HYAL4: variants seen among roughly 807,000 people sequenced by gnomAD.
The protein encoded by HYAL4 is hyaluronidase-4.
In HYAL4, 37 loss-of-function variants were observed where a neutral mutation model predicts 35.2. The ratio of observed to expected loss-of-function variants is 1.05; its 90% CI spans 0.81 to 1.38. The LOEUF (loss-of-function observed/expected upper bound fraction) is 1.38, where lower values mean the gene tolerates loss of function less well. Among genes scored for constraint, HYAL4 ranks in the 40% most tolerant of loss-of-function variants. The probability of loss-of-function intolerance (pLI) is 0.00; values close to 1 mark genes in which losing one functional copy is unlikely to be tolerated. For synonymous variants in HYAL4, 198 were observed against 203.2 expected (o/e 0.97, Z 0.22); for missense variants, 572 against 572.4 (o/e 1.00, Z 0.01).
chr7:123,813,918 G>T, the HYAL4 span, among the ~76,000 whole-genome samples: 155 of 152,268 alleles, frequency 1.0e-3, 1 homozygote, highest in African/African-American at 3.5e-3. Context: ...AGTTTGCATA[G>T]CTGACAAATG....
intron 2 of HYAL4, among the ~76,000 whole-genome samples, chr7:123,856,463 G>C (rs1273387135): frequency 1.3e-5 from 2 of 152,140 alleles, no homozygotes; most frequent in Non-Finnish European, 2.9e-5. Flanking sequence ...TCTTCTGCAG[G>C]TCTGCTGGAG....
At chr7:123,802,723 A>G in the HYAL4 span, among the ~76,000 whole-genome samples, 7 of 152,214 alleles carry the variant, frequency 4.6e-5, no homozygotes, top group Non-Finnish European at 7.3e-5. Flanking sequence ...AAAAGATACT[A>G]AAGGAAAAGC....
chr7:123,874,940 C>T (rs1218238731), intron 4 of HYAL4, 90 bp downstream of exon 4: 2 of 743,712 alleles, frequency 2.7e-6, no homozygotes, highest in African/African-American at 3.5e-5. Context: ...CCATAGCAAA[C>T]CAGCTTTAGA....
intron 2 of HYAL4, among the ~76,000 whole-genome samples, chr7:123,857,661 C>CTTTG (rs55760125): frequency 0.14 from 11,850 of 87,684 alleles, 627 homozygotes; most frequent in Middle Eastern, 0.2. Flanking sequence ...TTGTTTCTTT[C>CTTTG]TTTGTTTGTT....
Position 123,857,657 on chromosome 7 carries a change from CTTTCTTTGTTTG to C in HYAL4, c.-52+9507_-52+9518del, listed in dbSNP as rs1421399597. 1.1e-3 allele frequency among the ~76,000 whole-genome samples: 76 copies of C among 67,018 alleles called. 1 individual carries two copies. Among genetic ancestry groups the C allele is most frequent in the African/African-American group, 3.9e-3 (70 of 18,126 alleles). 44.0% of individuals were successfully genotyped at this position (67,018 alleles called of 152,430 possible). On this transcript the variant is annotated intron_variant, in intron 2 of 4. Transcript: ENST00000223026. ...TCTTGCCAGCTGCCTTTCTTTGTTT[CTTTCTTTGTTTG>C]TTTCTTTCTTTCTTTCTTTCTTTCT...
chr7:123,870,064 T>C (rs1173248677), intron 3 of HYAL4, among the ~76,000 whole-genome samples: 1 of 152,202 alleles, frequency 6.6e-6, no homozygotes, highest in Non-Finnish European at 1.5e-5. Flanking sequence ...GGGCTTCACA[T>C]GTGTGATGCA....
chr7:123,869,147 A>C lies in HYAL4; in HGVS notation c.874A>C (p.Thr292Pro). 3.7e-6 allele frequency: 6 copies of C among 1,614,144 alleles called. No homozygotes were observed. Among genetic ancestry groups the C allele is most frequent in the Non-Finnish European group, 5.1e-6 (6 of 1,180,010 alleles). Residue 292 changes from threonine (T) to proline (P), a missense_variant, in exon 3 of 5, where the codon ACA (threonine) becomes CCA (proline). By Grantham distance (38) the Thr-to-Pro change is conservative (BLOSUM62 -1). Transcript: ENST00000223026. Reference protein sequence around the residue: ...VHESMRISTMTSHDYALPVFV... With the variant: ...VHESMRISTMPSHDYALPVFV... The stretch of plus-strand genomic sequence containing the variant: ...TGAATCCATGAGGATCTCCACCATG[A>C]CATCTCATGATTATGCTCTGCCTGT...
At chr7:123,808,918 C>T in the HYAL4 span, among the ~76,000 whole-genome samples, 227 of 152,142 alleles carry the variant, frequency 1.5e-3, 4 homozygotes, top group East Asian at 0.036. Context: ...TTCATGAGGG[C>T]GGAGCCTTCC....
At chr7:123,866,480 C>G (rs1299011334) in intron 2 of HYAL4, among the ~76,000 whole-genome samples, 3 of 152,266 alleles carry the variant, frequency 2.0e-5, no homozygotes, top group Admixed American at 1.3e-4. Context: ...GCTTTGCCTT[C>G]CAAGATACTT....
At chr7:123,769,786 A>G in the HYAL4 span, among the ~76,000 whole-genome samples, 1 of 151,872 alleles carries the variant, frequency 6.6e-6, no homozygotes, top group African/African-American at 2.4e-5. Flanking sequence ...ATAGAGTAAT[A>G]ATAGCTGCCT....
chr7:123,870,225 A>T (rs1430877835), intron 3 of HYAL4, among the ~76,000 whole-genome samples: 1 of 152,228 alleles, frequency 6.6e-6, no homozygotes, highest in Non-Finnish European at 1.5e-5. Context: ...CATAGAAAAC[A>T]CCCAGGTGAG....
At chr7:123,769,068 TTA>T in the HYAL4 span, among the ~76,000 whole-genome samples, 2 of 152,256 alleles carry the variant, frequency 1.3e-5, no homozygotes, top group Admixed American at 1.3e-4. Flanking sequence ...AAGTAGAATT[TTA>T]ATGATATCAT....
the HYAL4 span, among the ~76,000 whole-genome samples, chr7:123,802,841 CAT>C: frequency 2.6e-5 from 4 of 152,266 alleles, no homozygotes; most frequent in East Asian, 7.7e-4. Flanking sequence ...GATTATGAAA[CAT>C]ATGCAATTGT....
intron 2 of HYAL4, among the ~76,000 whole-genome samples, chr7:123,864,554 CTG>C (rs1394782271): frequency 6.6e-6 from 1 of 152,054 alleles, no homozygotes; most frequent in Non-Finnish European, 1.5e-5. Context: ...ATATGGTTAA[CTG>C]TGGATAATTG....
chr7:123,874,486 C>G (rs1806958537), intron 3 of HYAL4, among the ~76,000 whole-genome samples: 1 of 152,082 alleles, frequency 6.6e-6, no homozygotes, highest in African/African-American at 2.4e-5. Context: ...TCACTGCAAC[C>G]TCCGTCTCCT....
At chr7:123,808,147 A>C in the HYAL4 span, among the ~76,000 whole-genome samples, 5 of 151,900 alleles carry the variant, frequency 3.3e-5, no homozygotes, top group African/African-American at 1.2e-4. Flanking sequence ...GGAATGCCTG[A>C]TAATACATTA....
At chr7:123,853,301 G>C (rs1451386077) in intron 2 of HYAL4, among the ~76,000 whole-genome samples, 1 of 152,156 alleles carries the variant, frequency 6.6e-6, no homozygotes, top group African/African-American at 2.4e-5. Flanking sequence ...GGGCATCCTA[G>C]TCTTGTGCTG....
the HYAL4 span, among the ~76,000 whole-genome samples, chr7:123,802,308 AAATCTTTTAAT>A: frequency 6.6e-6 from 1 of 152,226 alleles, no homozygotes; most frequent in African/African-American, 2.4e-5. Flanking sequence ...CCTCTACTGT[AAATCTTTTAAT>A]AATCTTCAGA....
upstream of HYAL4, among the ~76,000 whole-genome samples, chr7:123,827,855 T>C (rs1360306899): frequency 6.6e-6 from 1 of 152,196 alleles, no homozygotes; most frequent in Non-Finnish European, 1.5e-5. Flanking sequence ...AGTTTTAATA[T>C]TGATAAAATA....
Sources: gnomAD v4.1 joint callset for allele counts (sites outside exome capture counted in the v4.1 genomes callset) on GRCh38, gnomAD v4.1.1 for gene constraint, MANE v1.5 for transcripts, NCBI Gene and HGNC (gene_info 2026-07-23, HGNC 2026-07-21) for gene names.